Variants in ANKRD11 observed in about 807,000 individuals in gnomAD.
The protein encoded by ANKRD11 is ankyrin repeat domain-containing protein 11.
In ANKRD11, 17 loss-of-function variants were observed where a neutral mutation model predicts 195.7. The observed-to-expected ratio is 0.09, with a 90% CI of 0.06 to 0.13. ANKRD11 has a LOEUF of 0.13. ANKRD11 is among the 10% of genes least tolerant of loss of function. ANKRD11 has a pLI of 1.00. For synonymous variants in ANKRD11, 1,953 were observed against 1,528.1 expected (o/e 1.28, Z -6.49); for missense variants, 3,735 against 3,566.1 (o/e 1.05, Z -1.21).
chr16:89,310,545 A>G (rs1273151441), intron 3 of ANKRD11, among the ~76,000 whole-genome samples: 1 of 152,214 alleles, frequency 6.6e-6, no homozygotes, highest in Admixed American at 6.5e-5. Flanking sequence ...GATGGCATCC[A>G]GTTTTGAGGG....
At chr16:89,348,081 G>C (rs149848311) in intron 2 of ANKRD11, among the ~76,000 whole-genome samples, 2 of 151,792 alleles carry the variant, frequency 1.3e-5, no homozygotes. Flanking sequence ...CTACAGGCGC[G>C]CCACCCTGCC....
intron 7 of ANKRD11, chr16:89,286,748 C>A: frequency 2.3e-6 from 3 of 1,286,964 alleles, no homozygotes; most frequent in Non-Finnish European, 3.0e-6. Flanking sequence ...AGGGTGGTCA[C>A]ATGACTGACA....
chr16:89,377,059 T>C (rs1461358661), intron 2 of ANKRD11, among the ~76,000 whole-genome samples: 1 of 152,220 alleles, frequency 6.6e-6, no homozygotes, highest in Non-Finnish European at 1.5e-5. Flanking sequence ...GGAAGTACCT[T>C]GCCTTGCCAG....
intron 2 of ANKRD11, among the ~76,000 whole-genome samples, chr16:89,389,267 T>C (rs922546427): frequency 6.6e-6 from 1 of 151,976 alleles, no homozygotes; most frequent in Non-Finnish European, 1.5e-5. Flanking sequence ...TCAAGCAATC[T>C]TCCCACCTTG....
chr16:89,373,449 A>C (rs1314340263), intron 2 of ANKRD11: 1 of 152,304 alleles, frequency 6.6e-6, no homozygotes, highest in Non-Finnish European at 1.5e-5. Context: ...CCACGCCAGC[A>C]CCGCCGTCCA....
At chr16:89,411,309 C>A (rs1380071274) in intron 2 of ANKRD11, among the ~76,000 whole-genome samples, 2 of 113,430 alleles carry the variant, frequency 1.8e-5, no homozygotes, top group South Asian at 2.6e-4. Flanking sequence ...GCACTGCCTT[C>A]AGAATCCCTG....
chr16:89,453,110 C>A (rs1441166461), intron 1 of ANKRD11, among the ~76,000 whole-genome samples: 1 of 152,156 alleles, frequency 6.6e-6, no homozygotes, highest in East Asian at 1.9e-4. Flanking sequence ...AAGCACATTT[C>A]TTTTTTGTTG....
At chr16:89,332,195 T>A (rs185717686) in intron 2 of ANKRD11, among the ~76,000 whole-genome samples, 2 of 152,142 alleles carry the variant, frequency 1.3e-5, no homozygotes, top group African/African-American at 4.8e-5. Context: ...CAGAAATGAC[T>A]TCCTTACGTA....
intron 2 of ANKRD11, chr16:89,361,621 C>T (rs1032017733): frequency 3.3e-5 from 5 of 152,230 alleles, no homozygotes; most frequent in African/African-American, 1.2e-4. Flanking sequence ...GAGAATGCCG[C>T]TCTGAGGGCA....
chr16:89,442,669 GGTGCTGACAC>G (rs2043572289), intron 1 of ANKRD11, among the ~76,000 whole-genome samples: 1 of 152,234 alleles, frequency 6.6e-6, no homozygotes, highest in African/African-American at 2.4e-5. Flanking sequence ...ACAAAGGCCA[GGTGCTGACAC>G]GGTTAGTCCT....
intron 2 of ANKRD11, among the ~76,000 whole-genome samples, chr16:89,415,665 T>C (rs2042271129): frequency 6.6e-6 from 1 of 150,442 alleles, no homozygotes; most frequent in Non-Finnish European, 1.5e-5. Flanking sequence ...CTATCTCTAC[T>C]AAAAACACAA....
At chr16:89,460,193 G>A (rs566715541) in intron 1 of ANKRD11, among the ~76,000 whole-genome samples, 41 of 152,022 alleles carry the variant, frequency 2.7e-4, no homozygotes, top group Non-Finnish European at 4.6e-4. Context: ...AGCTGAGATT[G>A]CGCCACTGCA....
rs571242176 is a variant in ANKRD11, at chr16:89,452,085, C to G, written c.-144-33717G>C. 4.4e-3 allele frequency among the ~76,000 whole-genome samples: 676 copies of G among 152,014 alleles called. 15 individuals carry two copies. Among genetic ancestry groups the G allele is most frequent in the Non-Finnish European group, 1.5e-3 (102 of 67,964 alleles). ...ACCAGCCTGGACAACACGGTGAAAC[C>G]CCATCTCTACTAAAATACAAAAATT... On this transcript the variant is annotated intron_variant, in intron 1 of 12. Coordinates refer to ENST00000301030, the MANE Select transcript of ANKRD11 (RefSeq NM_013275.6).
intron 9 of ANKRD11, chr16:89,277,502 G>A (rs1267959365): frequency 6.6e-6 from 1 of 152,274 alleles, no homozygotes; most frequent in African/African-American, 2.4e-5. Flanking sequence ...CTAGTGTTAT[G>A]ATCCATTAAA....
Position 89,280,826 on chromosome 16 carries a change from C to A in ANKRD11, c.5716G>T (p.Ala1906Ser). 1 of 1,601,314 alleles carries A rather than the reference C, an allele frequency of 6.2e-7. No homozygotes were observed. Among genetic ancestry groups the A allele is most frequent in the Non-Finnish European group, 8.5e-7 (1 of 1,170,468 alleles). Residue 1906 changes from alanine to serine, a missense_variant, in exon 9 of 13, where the codon GCC becomes TCC. Physicochemically the swap from Ala to Ser is moderately conservative, Grantham distance 99. Coordinates refer to ENST00000301030, the MANE Select transcript of ANKRD11 (RefSeq NM_013275.6). ...GAGGTGTCCAGGTCCGGGGGAAGGG[C>A]CCCTTCGAGGGAAGGAACCAGCAGC... The part of the protein sequence containing the change: ...AELLVPSLEG[A>S]LPPDLDTSED...
chr16:89,347,365 T>A (rs2038990518), intron 2 of ANKRD11, among the ~76,000 whole-genome samples: 1 of 152,160 alleles, frequency 6.6e-6, no homozygotes, highest in South Asian at 2.1e-4. Flanking sequence ...ATCCCAGCAC[T>A]TTGAGAGGCC....
At chr16:89,325,573 G>A (rs1419643209) in intron 2 of ANKRD11, among the ~76,000 whole-genome samples, 4 of 152,134 alleles carry the variant, frequency 2.6e-5, no homozygotes, top group Admixed American at 1.3e-4. Flanking sequence ...ACTTAGGGAT[G>A]CATACTTAGT....
intron 2 of ANKRD11, among the ~76,000 whole-genome samples, chr16:89,393,001 T>G (rs2041264904): frequency 6.6e-6 from 1 of 152,036 alleles, no homozygotes; most frequent in African/African-American, 2.4e-5. Flanking sequence ...AACTCCAGCC[T>G]ATTTCTTCAC....
chr16:89,290,330 G>A (rs976761164), intron 6 of ANKRD11, among the ~76,000 whole-genome samples: 1 of 110,680 alleles, frequency 9.0e-6, no homozygotes, highest in Non-Finnish European at 1.9e-5. Context: ...GGAGGCTCAG[G>A]GCTCCAGCGG....
Sources: gnomAD v4.1 joint callset for allele counts (sites outside exome capture counted in the v4.1 genomes callset) on GRCh38, gnomAD v4.1.1 for gene constraint, MANE v1.5 for transcripts, NCBI Gene and HGNC (gene_info 2026-07-23, HGNC 2026-07-21) for gene names.